The following CSMD1 variants were observed in gnomAD, a reference collection of about 807,000 sequenced individuals.
The protein encoded by CSMD1 is CUB and Sushi multiple domains 1.
A neutral mutation model predicts 417.5 loss-of-function variants in CSMD1; 213 were observed. The ratio of observed to expected loss-of-function variants is 0.51; its 90% CI spans 0.46 to 0.57. The LOEUF is 0.57. CSMD1 is among the 20% of genes least tolerant of loss of function. The pLI, the probability that CSMD1 is intolerant of heterozygous loss-of-function variation, is 0.00. For missense variants in CSMD1, 6,923 were observed against 4,529.7 expected, an observed-to-expected ratio of 1.53 and a Z score of -15.17; for synonymous variants, 2,862 against 1,736.8, an observed-to-expected ratio of 1.65 and a Z score of -16.11.
chr8:4,088,256 C>T (rs1345405672), intron 3 of CSMD1, among the ~76,000 whole-genome samples: 7 of 152,156 alleles, frequency 4.6e-5, no homozygotes, highest in Non-Finnish European at 1.0e-4. Context: ...AGTAGATTTG[C>T]GAGTCGTGTT....
intron 5 of CSMD1, among the ~76,000 whole-genome samples, chr8:3,788,920 T>C (rs1799585318): frequency 6.6e-6 from 1 of 152,216 alleles, no homozygotes; most frequent in Non-Finnish European, 1.5e-5. Context: ...GGACTTAGGC[T>C]ATGGGTACGT....
chr8:4,648,609 T>C (rs1204954672), intron 1 of CSMD1, among the ~76,000 whole-genome samples: 1 of 152,224 alleles, frequency 6.6e-6, no homozygotes, highest in Non-Finnish European at 1.5e-5. Context: ...AGTGGCTGCA[T>C]GGATAAAATC....
chr8:4,838,025 C>CTAACT (rs1431114769), intron 1 of CSMD1, among the ~76,000 whole-genome samples: 1 of 152,126 alleles, frequency 6.6e-6, no homozygotes, highest in Non-Finnish European at 1.5e-5. Flanking sequence ...GGCCCAGGAG[C>CTAACT]TAACTGCAGG....
At chr8:3,142,401 A>C in intron 41 of CSMD1, 64 bp downstream of exon 41, 18 of 1,353,152 alleles carry the variant, frequency 1.3e-5, no homozygotes, top group Non-Finnish European at 1.9e-5. Context: ...TTTATACTTA[A>C]ATACAATTTA....
intron 5 of CSMD1, among the ~76,000 whole-genome samples, chr8:3,804,433 C>G (rs1426809042): frequency 6.6e-6 from 1 of 152,112 alleles, no homozygotes; most frequent in East Asian, 1.9e-4. Context: ...ATGAAAAATA[C>G]TATTTTTCTA....
chr8:3,724,027 T>C lies in CSMD1; in HGVS notation c.932-15536A>G, dbSNP rs1411903178. Among the ~76,000 whole-genome samples, 2 of 53,332 alleles carry C rather than the reference T, an allele frequency of 3.8e-5. 1 individual carries two copies. The highest frequency in any genetic ancestry group is 1.9e-4 in the Non-Finnish European group (2 of 10,700). 35.0% of individuals were successfully genotyped at this position (53,332 alleles called of 152,430 possible). ...AGGGATATTAAAATACGCCTCTCTT[T>C]TTCAACTTTCTATCTGTGTAAACAC... On this transcript the variant is annotated intron_variant, in intron 6 of 69. Coordinates refer to ENST00000635120, the MANE Select transcript of CSMD1 (RefSeq NM_033225.6).
intron 3 of CSMD1, among the ~76,000 whole-genome samples, chr8:4,334,719 A>G (rs1021638433): frequency 1.3e-5 from 2 of 152,228 alleles, no homozygotes; most frequent in African/African-American, 4.8e-5. Context: ...AATAATTTTT[A>G]TTTGCATAGA....
At chr8:4,206,986 C>G (rs1366774155) in intron 3 of CSMD1, among the ~76,000 whole-genome samples, 1 of 152,080 alleles carries the variant, frequency 6.6e-6, no homozygotes, top group East Asian at 1.9e-4. Context: ...AATTATAAAT[C>G]TATAAAAATG....
intron 1 of CSMD1, among the ~76,000 whole-genome samples, chr8:4,744,408 C>A (rs575996601): frequency 6.6e-6 from 1 of 152,266 alleles, no homozygotes; most frequent in African/African-American, 2.4e-5. Flanking sequence ...TCGGTTCTAG[C>A]CTGCGCAGGA....
intron 2 of CSMD1, among the ~76,000 whole-genome samples, chr8:4,488,492 G>C (rs1232539794): frequency 6.6e-6 from 1 of 152,082 alleles, no homozygotes; most frequent in African/African-American, 2.4e-5. Flanking sequence ...GGTGACAGTA[G>C]TCACCCTACT....
At chr8:4,700,176 T>G (rs957379421) in intron 1 of CSMD1, among the ~76,000 whole-genome samples, 5 of 152,154 alleles carry the variant, frequency 3.3e-5, no homozygotes, top group African/African-American at 4.8e-5. Context: ...CAGTTCATGT[T>G]TATGAAACAA....
At chr8:4,199,041 C>A (rs984818310) in intron 3 of CSMD1, among the ~76,000 whole-genome samples, 1 of 152,102 alleles carries the variant, frequency 6.6e-6, no homozygotes, top group Admixed American at 6.5e-5. Context: ...ACAGTGAGCT[C>A]TCATCCTCTG....
At chr8:4,272,053 A>T (rs549433928) in intron 3 of CSMD1, among the ~76,000 whole-genome samples, 88 of 152,088 alleles carry the variant, frequency 5.8e-4, no homozygotes, top group African/African-American at 2.1e-3. Flanking sequence ...ATGTAAGTAG[A>T]CCTGTGTAGT....
chr8:4,625,842 G>C (rs1040440270), intron 2 of CSMD1, among the ~76,000 whole-genome samples: 5 of 152,010 alleles, frequency 3.3e-5, no homozygotes, highest in Non-Finnish European at 7.4e-5. Context: ...TCATACCTGA[G>C]CCTCCCGAGT....
At chr8:4,019,354 T>A (rs983593955) in intron 4 of CSMD1, among the ~76,000 whole-genome samples, 1 of 152,196 alleles carries the variant, frequency 6.6e-6, no homozygotes, top group African/African-American at 2.4e-5. Flanking sequence ...GAGAGTTTTG[T>A]GTCTGTTCCC....
chr8:4,603,289 C>G (rs13259575), intron 2 of CSMD1, among the ~76,000 whole-genome samples: 97,028 of 151,886 alleles, frequency 0.64, 35,059 homozygotes, highest in Non-Finnish European at 0.8. Context: ...TTTTACATTT[C>G]AATCAATTCC....
chr8:4,453,965 G>T (rs999812244), intron 2 of CSMD1, among the ~76,000 whole-genome samples: 1 of 151,496 alleles, frequency 6.6e-6, no homozygotes, highest in Non-Finnish European at 1.5e-5. Flanking sequence ...GGGACTACAG[G>T]CGCCCGCCAC....
chr8:4,820,627 G>C (rs1278133048), intron 1 of CSMD1, among the ~76,000 whole-genome samples: 1 of 152,130 alleles, frequency 6.6e-6, no homozygotes, highest in South Asian at 2.1e-4. Context: ...AAGTAATTTT[G>C]AGTTGAAAAA....
At chr8:4,560,172 G>T (rs373925690) in intron 2 of CSMD1, among the ~76,000 whole-genome samples, 1 of 152,170 alleles carries the variant, frequency 6.6e-6, no homozygotes, top group Non-Finnish European at 1.5e-5. Flanking sequence ...TCATCTCACC[G>T]CACTTTCTCA....
Sources: allele counts gnomAD v4.1 joint callset (sites outside exome capture counted in the v4.1 genomes callset), GRCh38; gene constraint gnomAD v4.1.1; transcripts MANE v1.5; gene names NCBI Gene and HGNC (gene_info 2026-07-23, HGNC 2026-07-21).